The following TRPM3 variants were observed in gnomAD, a reference collection of about 807,000 sequenced individuals.
TRPM3 encodes long transient receptor potential channel 3.
Under a neutral mutation model 181.2 loss-of-function variants are expected in TRPM3, and 77 were observed. That is an observed-to-expected ratio of 0.42 (90% CI 0.35 to 0.51). The LOEUF (loss-of-function observed/expected upper bound fraction) is 0.51. Ranked by LOEUF, TRPM3 falls within the 20% of genes least tolerant of loss-of-function variation. The pLI is 0.01. For synonymous variants in TRPM3, 745 were observed against 796.4 expected (o/e 0.94, Z 1.09); for missense variants, 1,759 against 2,196.7 (o/e 0.80, Z 3.98).
At chr9:71,280,172 T>A (rs1304267781) in intron 1 of TRPM3, among the ~76,000 whole-genome samples, 1 of 151,898 alleles carries the variant, frequency 6.6e-6, no homozygotes, top group Non-Finnish European at 1.5e-5. Flanking sequence ...GTTTCCAACA[T>A]GGTAGTTTCA....
In TRPM3 at chr9:70,848,412, G is replaced by A. The variant is rs115479829; in HGVS notation, c.463-1821C>T. Among the ~76,000 whole-genome samples the A allele has an allele frequency of 4.5e-3, 682 of 151,908 alleles. 5 individuals carry two copies. Among genetic ancestry groups the A allele is most frequent in the African/African-American group, 0.016 (646 of 41,428 alleles). On this transcript the variant is annotated intron_variant, in intron 3 of 25. Coordinates refer to ENST00000677713, the MANE Select transcript of TRPM3 (RefSeq NM_001366145.2). Reference sequence around the variant, plus strand: ...GAAGTAAAAGAGATGATGGGGAGGAGGCAATATTGGAAGAAATATTGGCTG... The same window carrying A: ...GAAGTAAAAGAGATGATGGGGAGGAAGCAATATTGGAAGAAATATTGGCTG...
intron 1 of TRPM3, among the ~76,000 whole-genome samples, chr9:71,338,089 A>G (rs2090690236): frequency 6.9e-6 from 1 of 144,396 alleles, no homozygotes; most frequent in South Asian, 2.4e-4. Context: ...AACAACAACA[A>G]CAGAAAAAAA....
intron 6 of TRPM3, among the ~76,000 whole-genome samples, chr9:70,823,834 A>G (rs557419821): frequency 6.6e-6 from 1 of 152,366 alleles, no homozygotes; most frequent in African/African-American, 2.4e-5. Context: ...TTGAAGTTTA[A>G]AAAACTGTAG....
intron 1 of TRPM3, among the ~76,000 whole-genome samples, chr9:70,916,006 C>T (rs1170478711): frequency 1.3e-5 from 2 of 152,058 alleles, no homozygotes; most frequent in African/African-American, 4.8e-5. Context: ...AGAAAAGAAA[C>T]AAATAACATA....
At chr9:70,657,191 C>T (rs1589877272) in intron 9 of TRPM3, among the ~76,000 whole-genome samples, 1 of 107,750 alleles carries the variant, frequency 9.3e-6, no homozygotes, top group African/African-American at 4.1e-5. Flanking sequence ...ACACATTGGG[C>T]TTGAGGTAAA....
At chr9:70,793,360 G>A (rs1044554584) in intron 6 of TRPM3, among the ~76,000 whole-genome samples, 26 of 151,108 alleles carry the variant, frequency 1.7e-4, no homozygotes, top group Non-Finnish European at 2.9e-4. Context: ...GGACCCTGAG[G>A]TAGGAGAATC....
rs1270893517 is a variant in TRPM3, at chr9:71,115,560, G to T, written c.177+5618C>A. 6.1e-4 allele frequency among the ~76,000 whole-genome samples: 93 copies of T among 152,264 alleles called. 1 individual carries two copies. Among genetic ancestry groups the T allele is most frequent in the Admixed American group, 6.0e-3 (92 of 15,284 alleles). On this transcript the variant is annotated intron_variant, in intron 1 of 25. Transcript: ENST00000677713. The stretch of plus-strand genomic sequence containing the variant: ...AGGATACACCAACAGAAGAGCAGAG[G>T]GGAGGGTGTGGAACCGCTGCTGGGT...
At chr9:70,752,027 TGTGTGTGTGTGTGTGTGTGTGTGC>T (rs1429052191) in intron 8 of TRPM3, among the ~76,000 whole-genome samples, 49 of 129,078 alleles carry the variant, frequency 3.8e-4, no homozygotes, top group Middle Eastern at 8.1e-3. Flanking sequence ...TGTGTGTGTG[TGTGTGTGTGTGTGTGTGTGTGTGC>T]GCGCGCGCGC....
intron 11 of TRPM3, 77 bp from the exon 12 acceptor site, chr9:70,635,338 G>T: frequency 7.6e-7 from 1 of 1,318,376 alleles, no homozygotes; most frequent in Non-Finnish European, 1.1e-6. Context: ...GATCTAGAAG[G>T]AAGGGTGCTG....
rs949687130 is a variant in TRPM3 at position 70,699,003 on chromosome 9, C to T, written c.1273-17425G>A. Among the ~76,000 whole-genome samples, 6 of 152,122 alleles carry T rather than the reference C, an allele frequency of 3.9e-5. No homozygotes were observed. The South Asian group carries it at 8.3e-4, about 21-fold the overall frequency. On this transcript the variant is annotated intron_variant, in intron 8 of 25. Transcript: ENST00000677713. ...GTATTTCTTTAAAGCAATGCAAGAA[C>T]GAACTAATACACACAGAAAACACAC...
Position 71,121,245 on chromosome 9 carries a change from C to T in TRPM3, c.110G>A (p.Arg37Gln), listed in dbSNP as rs1167096629. 6.2e-7 allele frequency: 1 copy of T among 1,613,980 alleles called. No homozygotes were observed. The highest frequency in any genetic ancestry group is 8.5e-7 in the Non-Finnish European group (1 of 1,180,004). ...CTTCCGGATGGTCCAGTTTAGGGGT[C>T]GAGGAGCATCAGCCTGATTCATGAC... ...EGVMNQADAPRPLNWTIRKLC... is the reference protein window; with the variant it reads ...EGVMNQADAPQPLNWTIRKLC... The change falls in exon 1 of 26, where the codon CGA becomes CAA. Residue 37 changes from arginine to glutamine, a missense_variant. This residue lies in a region of TRPM3 where 737 missense variants were observed against 957.4 expected (regional missense o/e 0.77). Transcript: ENST00000677713.
At chr9:71,441,361 A>C (rs1267503543) in intron 1 of TRPM3, among the ~76,000 whole-genome samples, 1 of 152,192 alleles carries the variant, frequency 6.6e-6, no homozygotes, top group Non-Finnish European at 1.5e-5. Flanking sequence ...CAACCTGTCA[A>C]GAAATGGTTT....
intron 1 of TRPM3, among the ~76,000 whole-genome samples, chr9:71,221,844 C>T (rs1164938499): frequency 6.6e-6 from 1 of 152,116 alleles, no homozygotes; most frequent in Non-Finnish European, 1.5e-5. Flanking sequence ...TTAGAACATA[C>T]TTGAGGGAGG....
intron 7 of TRPM3, among the ~76,000 whole-genome samples, chr9:70,773,483 G>A (rs1413782809): frequency 6.6e-6 from 1 of 152,186 alleles, no homozygotes; most frequent in Non-Finnish European, 1.5e-5. Flanking sequence ...GGTCAGAGGT[G>A]TGGGAAAAGG....
At chr9:71,029,855 A>C (rs1271009041) in intron 1 of TRPM3, among the ~76,000 whole-genome samples, 2 of 152,208 alleles carry the variant, frequency 1.3e-5, no homozygotes, top group African/African-American at 2.4e-5. Context: ...TCACAGGAAA[A>C]TTATAGGAGA....
At chr9:70,823,343 C>A (rs971482595) in intron 6 of TRPM3, among the ~76,000 whole-genome samples, 2 of 152,174 alleles carry the variant, frequency 1.3e-5, no homozygotes, top group Non-Finnish European at 2.9e-5. Context: ...ATTAGGGAGA[C>A]CCTGTAATGT....
At chr9:70,566,788 A>C (rs1043580248) in intron 22 of TRPM3, among the ~76,000 whole-genome samples, 4 of 152,146 alleles carry the variant, frequency 2.6e-5, no homozygotes, top group Non-Finnish European at 5.9e-5. Flanking sequence ...ACTCCTTTCT[A>C]TGTCCACCTA....
intron 1 of TRPM3, among the ~76,000 whole-genome samples, chr9:71,189,722 C>T (rs1014848841): frequency 6.6e-6 from 1 of 151,826 alleles, no homozygotes; most frequent in Admixed American, 6.6e-5. Context: ...TCTCTTCTAC[C>T]CCTTAATCCT....
chr9:70,775,033 G>A (rs1483231268), intron 7 of TRPM3: 1 of 152,128 alleles, frequency 6.6e-6, no homozygotes, highest in Non-Finnish European at 1.5e-5. Flanking sequence ...CAACATCTGA[G>A]AATTGCATGA....
Sources: allele counts gnomAD v4.1 joint callset (sites outside exome capture counted in the v4.1 genomes callset), GRCh38; gene constraint gnomAD v4.1.1; regional missense constraint gnomAD v4.1.1; transcripts MANE v1.5; gene names NCBI Gene and HGNC (gene_info 2026-07-23, HGNC 2026-07-21).